ADAM12: variants seen among roughly 807,000 people sequenced by gnomAD.
ADAM12 encodes ADAM metallopeptidase domain 12.
A neutral mutation model predicts 106.4 loss-of-function variants in ADAM12; 70 were observed. That is an observed-to-expected ratio of 0.66 (90% CI 0.54 to 0.80). The LOEUF is 0.80. ADAM12 is among the 30% of genes least tolerant of loss of function. The pLI is 0.00. For synonymous variants in ADAM12, 420 were observed against 433.5 expected, an observed-to-expected ratio of 0.97 and a Z score of 0.39; for missense variants, 1,010 against 1,171.9, an observed-to-expected ratio of 0.86 and a Z score of 2.02.
chr10:126,148,205 T>C (rs1164587776), intron 4 of ADAM12, among the ~76,000 whole-genome samples: 2 of 152,196 alleles, frequency 1.3e-5, no homozygotes, highest in African/African-American at 2.4e-5. Context: ...ATACCAATTG[T>C]TGAGATATTT....
intron 7 of ADAM12, among the ~76,000 whole-genome samples, chr10:126,108,882 G>A (rs1955821608): frequency 6.6e-6 from 1 of 152,218 alleles, no homozygotes; most frequent in African/African-American, 2.4e-5. Flanking sequence ...TCTCAAGACA[G>A]CAACTTCTGC....
chr10:126,231,672 C>G (rs1172028062), intron 3 of ADAM12, among the ~76,000 whole-genome samples: 1 of 152,178 alleles, frequency 6.6e-6, no homozygotes, highest in Non-Finnish European at 1.5e-5. Flanking sequence ...TTATTCTCCC[C>G]ACATTAGCAC....
At chr10:126,386,132 T>G (rs1856652150) in intron 1 of ADAM12, among the ~76,000 whole-genome samples, 2 of 152,030 alleles carry the variant, frequency 1.3e-5, no homozygotes, top group Non-Finnish European at 2.9e-5. Flanking sequence ...GCACAAGGCA[T>G]GTGGAGAAGG....
intron 3 of ADAM12, among the ~76,000 whole-genome samples, chr10:126,221,099 G>A (rs886556427): frequency 6.6e-6 from 1 of 152,214 alleles, no homozygotes; most frequent in African/African-American, 2.4e-5. Context: ...TAGAAGAGAA[G>A]GAGGCTGGGT....
intron 1 of ADAM12, among the ~76,000 whole-genome samples, chr10:126,379,529 T>C (rs567214917): frequency 5.9e-5 from 9 of 151,514 alleles, no homozygotes; most frequent in Non-Finnish European, 1.3e-4. Context: ...CATCACACAC[T>C]GGGGCGCCTG....
rs1471919002 is a variant in ADAM12 at position 126,053,346 on chromosome 10, G to T, written c.1610-3677C>A. ...ACTAATACAGGGTGTGCTTATGATT[G>T]TAATGCCCCAAATGCTGGTGGAGCA... On this transcript the variant is annotated intron_variant, in intron 14 of 22. Transcript: ENST00000448723. This position sits in a 1 kb window ranked among gnomAD's most constrained non-coding sequence, Gnocchi z 4.6. 2.0e-5 allele frequency among the ~76,000 whole-genome samples: 3 copies of T among 152,106 alleles called. No homozygotes were observed. Among genetic ancestry groups the T allele is most frequent in the Non-Finnish European group, 4.4e-5 (3 of 68,020 alleles).
At chr10:126,123,968 A>G (rs1278462964) in intron 5 of ADAM12, among the ~76,000 whole-genome samples, 1 of 152,250 alleles carries the variant, frequency 6.6e-6, no homozygotes, top group East Asian at 1.9e-4. Context: ...TTAGCTTTCA[A>G]AGTGGACACT....
chr10:126,089,668 T>C (rs1183405523), intron 11 of ADAM12, among the ~76,000 whole-genome samples: 2 of 152,188 alleles, frequency 1.3e-5, no homozygotes, highest in Non-Finnish European at 2.9e-5. Context: ...CAACTGGGCT[T>C]TGCTGGCTCT....
chr10:126,199,082 A>G (rs1957650331), intron 3 of ADAM12, among the ~76,000 whole-genome samples: 1 of 152,106 alleles, frequency 6.6e-6, no homozygotes, highest in African/African-American at 2.4e-5. Context: ...GGAATAAGGA[A>G]TTTAAGTTAT....
intron 21 of ADAM12, among the ~76,000 whole-genome samples, chr10:126,025,496 A>AT (rs1953853864): frequency 6.6e-6 from 1 of 152,218 alleles, no homozygotes. Context: ...AGAAAAAAGA[A>AT]TGAAAAGGAA....
At chr10:126,366,631 C>A (rs1855921057) in intron 1 of ADAM12, among the ~76,000 whole-genome samples, 1 of 151,878 alleles carries the variant, frequency 6.6e-6, no homozygotes, top group South Asian at 2.1e-4. Flanking sequence ...TAGTGACCCT[C>A]AGAAAAGATT....
intron 3 of ADAM12, among the ~76,000 whole-genome samples, chr10:126,160,923 C>T (rs892809491): frequency 6.6e-6 from 1 of 152,234 alleles, no homozygotes; most frequent in Non-Finnish European, 1.5e-5. Flanking sequence ...CTGGAACATT[C>T]TTTACATGGC....
chr10:126,200,619 A>C (rs2133818967), intron 3 of ADAM12, among the ~76,000 whole-genome samples: 1 of 152,314 alleles, frequency 6.6e-6, no homozygotes, highest in Non-Finnish European at 1.5e-5. Flanking sequence ...CAATAAGATA[A>C]TGTGTGCAAA....
chr10:126,370,046 T>G (rs1291259109), intron 1 of ADAM12, among the ~76,000 whole-genome samples: 1 of 152,202 alleles, frequency 6.6e-6, no homozygotes, highest in African/African-American at 2.4e-5. Flanking sequence ...GGGAACCAGC[T>G]AGGAACTGAA....
At chr10:126,338,196 A>T (rs192124000) in intron 1 of ADAM12, among the ~76,000 whole-genome samples, 2 of 150,116 alleles carry the variant, frequency 1.3e-5, no homozygotes, top group East Asian at 4.0e-4. Context: ...GTCCATGCCT[A>T]TGGTGCCTCC....
At chr10:126,131,095 A>G in intron 5 of ADAM12, among the ~76,000 whole-genome samples, 1 of 137,864 alleles carries the variant, frequency 7.3e-6, no homozygotes, top group Non-Finnish European at 1.5e-5. Flanking sequence ...CCTGGCTCTC[A>G]GCTGTCTTCT....
intron 1 of ADAM12, among the ~76,000 whole-genome samples, 169 bp downstream of exon 1, chr10:126,387,888 CT>C (rs1298558314): frequency 0.014 from 974 of 68,074 alleles, 58 homozygotes; most frequent in African/African-American, 0.054. Context: ...GAATTGGCAC[CT>C]GGGGGGGGGG....
In ADAM12 at chr10:126,064,595, C is replaced by G. The variant is rs1213404472; in HGVS notation, c.1609+211G>C. On this transcript the variant is annotated intron_variant, in intron 14 of 22. Coordinates refer to ENST00000448723, the MANE Select transcript of ADAM12 (RefSeq NM_001288973.2). The surrounding 1 kb of genome is among the most constrained non-coding windows in gnomAD (Gnocchi z 4.4). ...CCGCACTGAGCTTCTTAAGGCCAGG[C>G]TCCAGGCAGTGTCCATTTCTGTGCA... 3.6e-6 allele frequency: 2 copies of G among 558,294 alleles called. No individual in the cohort carries two copies. The highest frequency in any genetic ancestry group is 6.3e-6 in the Non-Finnish European group (2 of 318,108). The allele number at this position is 558,294 out of a possible 1,614,324, so 34.6% of individuals were successfully genotyped here. A position where few individuals can be genotyped will look rare whatever the true frequency, so the allele number is the denominator to read the frequency against.
Position 126,108,684 on chromosome 10 carries a change from A to T in ADAM12, c.670-20T>A. ...CTGAAACTTAACAATTTTAAATGGCAGCATTAATACCAGCAAGAATATCAA... is the reference window on the plus strand; with the variant it reads ...CTGAAACTTAACAATTTTAAATGGCTGCATTAATACCAGCAAGAATATCAA... On this transcript the variant is annotated intron_variant, in intron 7 of 22. Coordinates refer to ENST00000448723, the MANE Select transcript of ADAM12 (RefSeq NM_001288973.2). 1 of 1,597,802 alleles carries T rather than the reference A, an allele frequency of 6.3e-7. No individual in the cohort carries two copies.
Sources: allele counts gnomAD v4.1 joint callset (sites outside exome capture counted in the v4.1 genomes callset), GRCh38; gene constraint gnomAD v4.1.1; non-coding constraint Gnocchi (gnomAD v3.1); transcripts MANE v1.5; gene names NCBI Gene and HGNC (gene_info 2026-07-23, HGNC 2026-07-21).